MICALL1: variants seen among roughly 807,000 people sequenced by gnomAD.
MICALL1 encodes the protein MICAL-like protein 1.
In MICALL1, 61 loss-of-function variants were observed where a neutral mutation model predicts 83.7. The ratio of observed to expected loss-of-function variants is 0.73; its 90% CI spans 0.59 to 0.90. The LOEUF (loss-of-function observed/expected upper bound fraction) is 0.90. Ranked by LOEUF, MICALL1 falls within the 40% of genes least tolerant of loss-of-function variation. The probability of loss-of-function intolerance (pLI) is 0.00; values close to 1 mark genes in which losing one functional copy is unlikely to be tolerated. For missense variants in MICALL1, 1,066 were observed against 1,152.0 expected (o/e 0.93, Z 1.08); for synonymous variants, 481 against 473.6 (o/e 1.02, Z -0.20).
intron 3 of MICALL1, among the ~76,000 whole-genome samples, chr22:37,915,122 C>T (rs551666263): frequency 6.6e-6 from 1 of 152,108 alleles, no homozygotes; most frequent in South Asian, 2.1e-4. Flanking sequence ...ATAGTGGTGG[C>T]ACACCTGTAG....
rs138047303 is a variant in MICALL1 at position 37,924,725 on chromosome 22, G to A, written c.1082+8G>A. 13 of 1,611,288 alleles carry A rather than the reference G, an allele frequency of 8.1e-6. No homozygotes were observed. The highest frequency in any genetic ancestry group is 5.3e-5 in the African/African-American group (4 of 74,840). ...ACCGAAGCCGTCCGAGGGGTATGTCGATCCCTGAGGGGCTTTCCTGCTTTG... is the reference window on the plus strand; with the variant it reads ...ACCGAAGCCGTCCGAGGGGTATGTCAATCCCTGAGGGGCTTTCCTGCTTTG... On this transcript the variant is annotated splice_region_variant and intron_variant, in intron 7 of 15. Coordinates refer to ENST00000215957, the MANE Select transcript of MICALL1 (RefSeq NM_033386.4). The surrounding 1 kb of genome is among the most constrained non-coding windows in gnomAD (Gnocchi z 5.2).
chr22:37,910,015 TC>T (rs915765955), intron 1 of MICALL1, among the ~76,000 whole-genome samples: 2 of 152,138 alleles, frequency 1.3e-5, no homozygotes, highest in Non-Finnish European at 2.9e-5. Context: ...CCACCCGAAA[TC>T]CAGACATGCT....
At chr22:37,938,944 C>T (rs1036402552) in intron 15 of MICALL1, among the ~76,000 whole-genome samples, 1 of 151,802 alleles carries the variant, frequency 6.6e-6, no homozygotes, top group East Asian at 1.9e-4. Context: ...TTAGTAGAAA[C>T]GGGGTTTCAT....
intron 5 of MICALL1, 143 bp downstream of exon 5, chr22:37,919,321 A>G (rs1054508145): frequency 1.7e-5 from 18 of 1,051,740 alleles, no homozygotes; most frequent in Non-Finnish European, 2.0e-5. Flanking sequence ...GAGCAAACCA[A>G]GGCTTAGTGA....
At chr22:37,927,176 G>A (rs1192082150) in intron 8 of MICALL1, 2 of 516,564 alleles carry the variant, frequency 3.9e-6, no homozygotes, top group Non-Finnish European at 6.8e-6. Flanking sequence ...GTGTGGGGAA[G>A]TGGAGGCAGC....
chr22:37,934,409 A>G (rs1044604971), intron 13 of MICALL1, among the ~76,000 whole-genome samples: 5 of 152,042 alleles, frequency 3.3e-5, no homozygotes, highest in African/African-American at 1.2e-4. Flanking sequence ...GGCCCCAGAT[A>G]TGGAAAATGG....
Position 37,912,443 on chromosome 22 carries a change from C to T in MICALL1, c.288C>T (p.Ile96=). The T allele has an allele frequency of 6.2e-7, 1 of 1,613,996 alleles. No homozygotes were observed. Among genetic ancestry groups the T allele is most frequent in the East Asian group, 2.2e-5 (1 of 44,872 alleles). Residue 96 remains isoleucine, a synonymous_variant, in exon 3 of 16, where the codon ATC becomes ATT. Transcript: ENST00000215957. ...VSMSVPDCLS[I]MTYVSQYYNH... is the part of the protein sequence containing the mutation. Reference sequence around the variant, plus strand: ...TGAGCGTCCCTGACTGCCTCAGCATCATGACCTATGTGTCCCAGTATTACA... The same window carrying T: ...TGAGCGTCCCTGACTGCCTCAGCATTATGACCTATGTGTCCCAGTATTACA...
At chr22:37,917,439 G>A (rs1304620093) in intron 3 of MICALL1, among the ~76,000 whole-genome samples, 1 of 152,128 alleles carries the variant, frequency 6.6e-6, no homozygotes, top group Non-Finnish European at 1.5e-5. Flanking sequence ...GTACTGTTGC[G>A]CCATTGTTCG....
At chr22:37,936,937 G>T (rs1204280586) in intron 13 of MICALL1, 143 bp from the exon 14 acceptor site, 3 of 633,944 alleles carry the variant, frequency 4.7e-6, no homozygotes, top group East Asian at 2.9e-5. Context: ...CCACCTATCG[G>T]GGCCCTTCCT....
chr22:37,936,929 AC>A (rs1930159194), intron 13 of MICALL1, 150 bp from the exon 14 acceptor site: 1 of 580,574 alleles, frequency 1.7e-6, no homozygotes, highest in Admixed American at 3.2e-5. Context: ...TGTAAGCCCC[AC>A]CTATCGGGGC....
At position 37,924,685 on chromosome 22, in the gene MICALL1, C is replaced by T. The variant is rs202204804; in HGVS notation, c.1050C>T (p.Pro350=). ...GGAGACTGCACGAACTGCCTGTCCC[C>T]AAGCCGAGGGGGACACCGAAGCCGT... The part of the protein sequence containing the change: ...VNGRLHELPV[P]KPRGTPKPSE... Residue 350 remains proline (P), a synonymous_variant, in exon 7 of 16, where the codon CCC becomes CCT. Transcript: ENST00000215957. The surrounding 1 kb of genome is among the most constrained non-coding windows in gnomAD (Gnocchi z 5.2). The T allele has an allele frequency of 4.0e-5, 64 of 1,612,322 alleles. No homozygotes were observed. The East Asian group carries it at 1.4e-3, about 36-fold the overall frequency.
At chr22:37,912,735 C>G (rs1311412498) in intron 3 of MICALL1, among the ~76,000 whole-genome samples, 1 of 150,252 alleles carries the variant, frequency 6.7e-6, no homozygotes, top group Non-Finnish European at 1.5e-5. Context: ...GGCACGATCT[C>G]GGCTCACTGC....
chr22:37,931,081 C>T (rs1458927478), intron 9 of MICALL1, among the ~76,000 whole-genome samples: 2 of 152,230 alleles, frequency 1.3e-5, no homozygotes, highest in Non-Finnish European at 2.9e-5. Context: ...CTAACCACTA[C>T]CCCTCAATGC....
intron 15 of MICALL1, among the ~76,000 whole-genome samples, chr22:37,939,748 T>C (rs1288217582): frequency 2.5e-5 from 3 of 119,742 alleles, no homozygotes; most frequent in African/African-American, 3.3e-5. Flanking sequence ...CATTCCAGCC[T>C]GGGCGACAGC....
At chr22:37,913,820 C>T (rs1928491768) in intron 3 of MICALL1, among the ~76,000 whole-genome samples, 1 of 151,636 alleles carries the variant, frequency 6.6e-6, no homozygotes, top group South Asian at 2.1e-4. Flanking sequence ...GAGTAGAGCC[C>T]ATTTCAGCCC....
intron 13 of MICALL1, among the ~76,000 whole-genome samples, chr22:37,935,113 T>C (rs1396218811): frequency 6.8e-6 from 1 of 147,880 alleles, no homozygotes; most frequent in Non-Finnish European, 1.5e-5. Context: ...TTTGTATTTT[T>C]AGTAGAGACG....
At chr22:37,937,324 C>A in intron 14 of MICALL1, 130 bp downstream of exon 14, 1 of 715,278 alleles carries the variant, frequency 1.4e-6, no homozygotes, top group Non-Finnish European at 2.3e-6. Flanking sequence ...CAGCCCTGCC[C>A]TCCTACCAGC....
At chr22:37,937,833 C>G (rs749139406) in intron 15 of MICALL1, 41 bp downstream of exon 15, 1 of 1,611,708 alleles carries the variant, frequency 6.2e-7, no homozygotes, top group South Asian at 1.1e-5. Context: ...AGCACTTGAA[C>G]TTCGGCATTG....
At chr22:37,938,418 A>AT (rs1569151340) in intron 15 of MICALL1, among the ~76,000 whole-genome samples, 1 of 151,352 alleles carries the variant, frequency 6.6e-6, no homozygotes, top group Admixed American at 6.6e-5. Flanking sequence ...AAAAAAAAAA[A>AT]AAGTACTGGA....
Sources: gnomAD v4.1 joint callset for allele counts (sites outside exome capture counted in the v4.1 genomes callset) on GRCh38, gnomAD v4.1.1 for gene constraint, Gnocchi (gnomAD v3.1) non-coding constraint, MANE v1.5 for transcripts, NCBI Gene and HGNC (gene_info 2026-07-23, HGNC 2026-07-21) for gene names.